POU2F1: variants seen among roughly 807,000 people sequenced by gnomAD.
POU2F1 encodes the protein POU domain, class 2, transcription factor 1.
Under a neutral mutation model 84.9 loss-of-function variants are expected in POU2F1, and 16 were observed. The observed-to-expected ratio is 0.19, with a 90% CI of 0.13 to 0.29. POU2F1 has a LOEUF of 0.29. Among genes scored for constraint, POU2F1 ranks in the 10% least tolerant of loss-of-function variants. The pLI, the probability that POU2F1 is intolerant of heterozygous loss-of-function variation, is 1.00. For missense variants in POU2F1, 738 were observed against 942.6 expected (o/e 0.78, Z 2.84); for synonymous variants, 368 against 368.3 (o/e 1.00, Z 0.01).
At chr1:167,292,531 T>G (rs1034166202) in intron 1 of POU2F1, among the ~76,000 whole-genome samples, 5 of 148,832 alleles carry the variant, frequency 3.4e-5, no homozygotes, top group South Asian at 2.1e-4. Context: ...ACCAGATGGA[T>G]TCACAGCTGA....
chr1:167,408,745 A>G (rs959072846), intron 13 of POU2F1, among the ~76,000 whole-genome samples: 2 of 152,350 alleles, frequency 1.3e-5, no homozygotes, highest in Non-Finnish European at 2.9e-5. Context: ...GAAATGTCAT[A>G]ATCTGGATTG....
intron 1 of POU2F1, among the ~76,000 whole-genome samples, chr1:167,295,582 A>G (rs1654238713): frequency 6.6e-6 from 1 of 152,248 alleles, no homozygotes; most frequent in African/African-American, 2.4e-5. Flanking sequence ...CACTATTCAG[A>G]TGACAGGTGC....
intron 1 of POU2F1, among the ~76,000 whole-genome samples, chr1:167,289,787 T>A (rs1317280682): frequency 6.6e-6 from 1 of 152,230 alleles, no homozygotes; most frequent in Non-Finnish European, 1.5e-5. Context: ...AAACGTTTGG[T>A]CTGAGATGTT....
intron 1 of POU2F1, among the ~76,000 whole-genome samples, chr1:167,272,639 T>C (rs972988601): frequency 2.6e-5 from 4 of 151,994 alleles, no homozygotes; most frequent in South Asian, 2.1e-4. Flanking sequence ...CTACACACTT[T>C]TAAACAACCA....
chr1:167,241,823 A>G (rs1649927336), intron 1 of POU2F1, among the ~76,000 whole-genome samples: 1 of 152,204 alleles, frequency 6.6e-6, no homozygotes, highest in South Asian at 2.1e-4. Context: ...AGGTAATTTC[A>G]AAAAGTTAAC....
At chr1:167,287,440 G>A (rs2102521316) in intron 1 of POU2F1, among the ~76,000 whole-genome samples, 1 of 152,130 alleles carries the variant, frequency 6.6e-6, no homozygotes, top group East Asian at 1.9e-4. Flanking sequence ...AACCCAAAAT[G>A]ACAGAACCTA....
chr1:167,254,116 A>G (rs1650953519), intron 1 of POU2F1, among the ~76,000 whole-genome samples: 1 of 152,114 alleles, frequency 6.6e-6, no homozygotes, highest in Non-Finnish European at 1.5e-5. Flanking sequence ...AAGCCTGTTC[A>G]CACTTTATAC....
At chr1:167,408,099 A>G (rs1649707675) in intron 13 of POU2F1, among the ~76,000 whole-genome samples, 2 of 152,258 alleles carry the variant, frequency 1.3e-5, no homozygotes, top group South Asian at 4.1e-4. Context: ...CAAGGAAGAT[A>G]TAGGAGTGAC....
At chr1:167,311,996 G>A (rs908123052) in intron 1 of POU2F1, among the ~76,000 whole-genome samples, 15 of 151,598 alleles carry the variant, frequency 9.9e-5, no homozygotes, top group Non-Finnish European at 1.2e-4. Flanking sequence ...CCAGGCTGGC[G>A]CACTCTCGGC....
chr1:167,284,703 G>T (rs1653397830), intron 1 of POU2F1, among the ~76,000 whole-genome samples: 1 of 152,124 alleles, frequency 6.6e-6, no homozygotes. Context: ...CCTCTTCAAA[G>T]GGGCTTTTTA....
intron 1 of POU2F1, among the ~76,000 whole-genome samples, chr1:167,269,722 G>A (rs1652225728): frequency 6.6e-6 from 1 of 152,182 alleles, no homozygotes; most frequent in Non-Finnish European, 1.5e-5. Flanking sequence ...AGACCAGCCT[G>A]GCCAACATGG....
intron 13 of POU2F1, among the ~76,000 whole-genome samples, chr1:167,411,542 T>C (rs185965548): frequency 6.6e-6 from 1 of 152,178 alleles, no homozygotes; most frequent in African/African-American, 2.4e-5. Flanking sequence ...CATATAACTT[T>C]CTGTTTTTCT....
chr1:167,299,543 C>T (rs1654514358), intron 1 of POU2F1, among the ~76,000 whole-genome samples: 1 of 152,058 alleles, frequency 6.6e-6, no homozygotes, highest in Non-Finnish European at 1.5e-5. Context: ...GTGCAAGGAC[C>T]CTCCTGTCCT....
Position 167,422,573 on chromosome 1 carries a change from G to T in POU2F1, c.*6763G>T, listed in dbSNP as rs1223159788. 6.6e-6 allele frequency: 1 copy of T among 152,204 alleles called. No homozygotes were observed. Among genetic ancestry groups the T allele is most frequent in the East Asian group, 1.9e-4 (1 of 5,202 alleles). The allele number at this position is 152,204 out of a possible 1,614,324, so 9.4% of individuals were successfully genotyped here. A position where few individuals can be genotyped will look rare whatever the true frequency, so the allele number is the denominator to read the frequency against. Reference sequence around the variant, plus strand: ...GGGATTGAGGAGAGAATTATTCTTGGTGGGAACATGAATGAGAAATGATGC... The same window carrying T: ...GGGATTGAGGAGAGAATTATTCTTGTTGGGAACATGAATGAGAAATGATGC... On this transcript the variant is annotated 3_prime_UTR_variant, in exon 16 of 16. Transcript: ENST00000367866.
At chr1:167,381,603 C>CTT (rs147770215) in intron 7 of POU2F1, among the ~76,000 whole-genome samples, 608 of 65,930 alleles carry the variant, frequency 9.2e-3, no homozygotes, top group Non-Finnish European at 0.01. Context: ...GCTCTCTTCT[C>CTT]TTTTTTTTTT....
intron 2 of POU2F1, among the ~76,000 whole-genome samples, chr1:167,342,122 C>CA (rs1404050280): frequency 6.6e-5 from 10 of 152,052 alleles, no homozygotes; most frequent in Non-Finnish European, 1.5e-4. Context: ...CTTTTGGGCG[C>CA]AAAAACAGAA....
At chr1:167,377,859 C>T (rs565026787) in intron 7 of POU2F1, among the ~76,000 whole-genome samples, 4 of 152,070 alleles carry the variant, frequency 2.6e-5, no homozygotes, top group Admixed American at 6.6e-5. Context: ...GCTGTTGTTC[C>T]CTTCTTTGTG....
At chr1:167,283,746 A>G (rs1557867748) in intron 1 of POU2F1, among the ~76,000 whole-genome samples, 1 of 152,138 alleles carries the variant, frequency 6.6e-6, no homozygotes, top group Non-Finnish European at 1.5e-5. Context: ...AGAAGACAAG[A>G]ATTTGCTATT....
chr1:167,300,768 T>C (rs777305547), intron 1 of POU2F1, among the ~76,000 whole-genome samples: 3 of 151,438 alleles, frequency 2.0e-5, no homozygotes, highest in Non-Finnish European at 2.9e-5. Flanking sequence ...CAGCCTCTTA[T>C]TTTTATTTTT....
Sources: allele counts gnomAD v4.1 joint callset (sites outside exome capture counted in the v4.1 genomes callset), GRCh38; gene constraint gnomAD v4.1.1; transcripts MANE v1.5; gene names NCBI Gene and HGNC (gene_info 2026-07-23, HGNC 2026-07-21).